Variants in RAI14 observed in about 807,000 individuals in gnomAD.
RAI14 encodes the protein retinoic acid induced 14, also known as ankycorbin.
Under a neutral mutation model 115.4 loss-of-function variants are expected in RAI14, and 45 were observed. That is an observed-to-expected ratio of 0.39 (90% confidence interval 0.31 to 0.50). RAI14 has a LOEUF of 0.50. RAI14 is among the 20% of genes least tolerant of loss of function. The probability of loss-of-function intolerance (pLI) is 0.85; values close to 1 mark genes in which losing one functional copy is unlikely to be tolerated. For synonymous variants in RAI14, 371 were observed against 415.4 expected (o/e 0.89, Z 1.30); for missense variants, 939 against 1,131.2 (o/e 0.83, Z 2.44).
intron 2 of RAI14, among the ~76,000 whole-genome samples, chr5:34,749,695 G>A (rs1746742428): frequency 6.6e-6 from 1 of 152,216 alleles, no homozygotes; most frequent in African/African-American, 2.4e-5. Flanking sequence ...TATATTAGCA[G>A]GAATGTTTGG....
At chr5:34,677,539 G>A (rs1388630915) in intron 1 of RAI14, among the ~76,000 whole-genome samples, 1 of 151,910 alleles carries the variant, frequency 6.6e-6, no homozygotes, top group Non-Finnish European at 1.5e-5. Context: ...CAAACTCCTG[G>A]GCTCAAGTGA....
intron 3 of RAI14, among the ~76,000 whole-genome samples, chr5:34,777,871 T>TG (rs57669915): frequency 0.22 from 33,261 of 150,842 alleles, 4,897 homozygotes; most frequent in Non-Finnish European, 0.31. Context: ...GTGGTGTGTG[T>TG]GGGGGGGGTG....
chr5:34,824,017 G>T lies in RAI14; in HGVS notation c.2175G>T (p.Glu725Asp). The change falls in exon 15 of 18, where the codon GAG (glutamate) becomes GAT (aspartate). Residue 725 changes from glutamate to aspartate, a missense_variant. By Grantham distance (45) the Glu-to-Asp change is conservative (BLOSUM62 2). Coordinates refer to ENST00000265109, the MANE Select transcript of RAI14 (RefSeq NM_015577.3). ...AACAACTGGTGGATGCACAAAAAGA[G>T]AACTCTGTCTCTATCACAGAACATT... ...QLKQLVDAQK[E>D]NSVSITEHLQ... 2 of 1,614,034 alleles carry T rather than the reference G, an allele frequency of 1.2e-6. No homozygotes were observed. Among genetic ancestry groups the T allele is most frequent in the Non-Finnish European group, 1.7e-6 (2 of 1,179,922 alleles).
chr5:34,715,280 C>A (rs762263183), intron 2 of RAI14, among the ~76,000 whole-genome samples: 6 of 152,112 alleles, frequency 3.9e-5, no homozygotes, highest in Non-Finnish European at 8.8e-5. Flanking sequence ...CTGAAACTAT[C>A]ATGGCACTCG....
chr5:34,702,223 GC>G (rs1740167613), intron 2 of RAI14, among the ~76,000 whole-genome samples: 1 of 152,196 alleles, frequency 6.6e-6, no homozygotes. Context: ...CCTCCTCCTA[GC>G]TAGGGAAGAA....
At chr5:34,717,167 T>C (rs1742102223) in intron 2 of RAI14, among the ~76,000 whole-genome samples, 1 of 152,356 alleles carries the variant, frequency 6.6e-6, no homozygotes, top group East Asian at 1.9e-4. Flanking sequence ...TTATGACTTA[T>C]ACTGTGACTA....
intron 3 of RAI14, among the ~76,000 whole-genome samples, chr5:34,766,350 A>G (rs1169787273): frequency 1.3e-5 from 2 of 152,182 alleles, no homozygotes; most frequent in Non-Finnish European, 2.9e-5. Context: ...GAGCCTGTAC[A>G]CTGCAAAGCC....
chr5:34,812,120 C>A, intron 9 of RAI14, 60 bp from the exon 10 acceptor site: 2 of 1,465,742 alleles, frequency 1.4e-6, no homozygotes, highest in South Asian at 1.2e-5. Flanking sequence ...TCCCCCCACC[C>A]AAAGTGAATA....
rs934119184 is a variant in RAI14, at chr5:34,688,386, A to C, written c.36+1431A>C. The stretch of plus-strand genomic sequence containing the variant: ...CATAGGTTAAGATTATTTTTAGCAA[A>C]ATTTCATCAGTCTAGACTTCCATAT... On this transcript the variant is annotated intron_variant, in intron 2 of 17. Coordinates refer to ENST00000265109, the MANE Select transcript of RAI14 (RefSeq NM_015577.3). 6.0e-6 allele frequency: 5 copies of C among 829,504 alleles called. No individual in the cohort carries two copies. In the African/African-American group the frequency reaches 8.6e-5, roughly 14 times the overall value. 51.4% of individuals were successfully genotyped at this position (829,504 alleles called of 1,614,324 possible). A position where few individuals can be genotyped will look rare whatever the true frequency, so the allele number is the denominator to read the frequency against.
intron 2 of RAI14, among the ~76,000 whole-genome samples, chr5:34,749,254 G>A (rs1213313283): frequency 6.6e-6 from 1 of 152,244 alleles, no homozygotes; most frequent in African/African-American, 2.4e-5. Context: ...CCCGAGCAGA[G>A]GCACAGAACA....
chr5:34,812,236 GTTTCA>G (rs1342874187), intron 10 of RAI14, 28 bp downstream of exon 10: 1 of 1,554,378 alleles, frequency 6.4e-7, no homozygotes, highest in East Asian at 2.2e-5. Context: ...AGGCTTCTAT[GTTTCA>G]TTTATGCTTG....
chr5:34,667,983 T>C (rs999422621), intron 1 of RAI14, among the ~76,000 whole-genome samples: 1 of 152,188 alleles, frequency 6.6e-6, no homozygotes, highest in Admixed American at 6.6e-5. Flanking sequence ...AAGGAATTAC[T>C]TCTGTTGCCG....
intron 2 of RAI14, among the ~76,000 whole-genome samples, chr5:34,720,061 A>G (rs1384662091): frequency 6.6e-6 from 1 of 152,198 alleles, no homozygotes; most frequent in Non-Finnish European, 1.5e-5. Flanking sequence ...AAGGAGAAGA[A>G]TTGGCCTCTA....
intron 1 of RAI14, among the ~76,000 whole-genome samples, chr5:34,671,225 C>A (rs2149855831): frequency 6.6e-6 from 1 of 152,224 alleles, no homozygotes; most frequent in African/African-American, 2.4e-5. Flanking sequence ...ACAGGAGAGT[C>A]CCTGAGTGGT....
intron 1 of RAI14, among the ~76,000 whole-genome samples, chr5:34,672,300 G>A (rs1743672937): frequency 1.3e-5 from 2 of 152,156 alleles, no homozygotes; most frequent in Admixed American, 1.3e-4. Flanking sequence ...CTCATAAATT[G>A]TAAGTTCTTG....
At chr5:34,658,499 A>G (rs994719592) in intron 1 of RAI14, among the ~76,000 whole-genome samples, 1 of 152,122 alleles carries the variant, frequency 6.6e-6, no homozygotes, top group Middle Eastern at 3.4e-3. Context: ...CATCCTTTAA[A>G]AATAAAAATA....
intron 2 of RAI14, among the ~76,000 whole-genome samples, chr5:34,697,448 AG>A (rs1298359991): frequency 3.3e-5 from 5 of 150,582 alleles, no homozygotes; most frequent in African/African-American, 7.4e-5. Context: ...AAAAAAAAAA[AG>A]AAAAAAAAAA....
chr5:34,764,330 T>G (rs951122853), intron 3 of RAI14, among the ~76,000 whole-genome samples: 2 of 152,190 alleles, frequency 1.3e-5, no homozygotes, highest in African/African-American at 4.8e-5. Context: ...CCTGCAGAGA[T>G]TCTGGTTTCA....
chr5:34,784,044 G>A (rs969205101), intron 3 of RAI14, among the ~76,000 whole-genome samples: 97 of 152,214 alleles, frequency 6.4e-4, no homozygotes, highest in African/African-American at 2.2e-3. Flanking sequence ...AATCCTCGAG[G>A]ATTAACTCCT....
Sources: gnomAD v4.1 joint callset for allele counts (sites outside exome capture counted in the v4.1 genomes callset) on GRCh38, gnomAD v4.1.1 for gene constraint, MANE v1.5 for transcripts, NCBI Gene and HGNC (gene_info 2026-07-23, HGNC 2026-07-21) for gene names.